Variants in MSI2 observed in about 807,000 individuals in gnomAD.
The protein encoded by MSI2 is RNA-binding protein Musashi homolog 2.
A neutral mutation model predicts 45.6 loss-of-function variants in MSI2; 17 were observed. The observed-to-expected ratio is 0.37, with a 90% CI of 0.26 to 0.56. MSI2 has a LOEUF of 0.56. Ranked by LOEUF, MSI2 falls within the 20% of genes least tolerant of loss-of-function variation. The pLI is 0.77. For missense variants in MSI2, 293 were observed against 444.2 expected (o/e 0.66, Z 3.06); for synonymous variants, 156 against 158.2 (o/e 0.99, Z 0.11).
chr17:57,349,489 G>A (rs1915853611), intron 5 of MSI2, among the ~76,000 whole-genome samples: 1 of 152,196 alleles, frequency 6.6e-6, no homozygotes, highest in African/African-American at 2.4e-5. Context: ...GATCCTGACA[G>A]TGATTAAAGA....
intron 5 of MSI2, among the ~76,000 whole-genome samples, chr17:57,395,929 G>T (rs766606996): frequency 6.6e-6 from 1 of 152,114 alleles, no homozygotes; most frequent in Non-Finnish European, 1.5e-5. Flanking sequence ...TTTTCCATCC[G>T]CACAATGGGG....
At position 57,568,550 on chromosome 17, in the gene MSI2, T is replaced by C. The variant is rs77561981; in HGVS notation, c.455-28318T>C. Among the ~76,000 whole-genome samples, 905 of 152,298 alleles carry C rather than the reference T, an allele frequency of 5.9e-3. 5 individuals are homozygous for C. The highest frequency in any genetic ancestry group is 0.021 in the African/African-American group (864 of 41,554). The stretch of plus-strand genomic sequence containing the variant: ...CAGGAGGTGGTGAGATCACTCTGAT[T>C]CTAGAACTTTCTTGCTGATTAATGG... On this transcript the variant is annotated intron_variant, in intron 7 of 13. Transcript: ENST00000284073.
Position 57,280,334 on chromosome 17 carries a change from G to A in MSI2, c.312+18142G>A, listed in dbSNP as rs1909308286. On this transcript the variant is annotated intron_variant, in intron 5 of 13. Transcript: ENST00000284073. This position sits in a 1 kb window ranked among gnomAD's most constrained non-coding sequence, Gnocchi z 4.2. ...AGTCTACACGAAAAGTGGCTTGTGG[G>A]TACCCCAGGGGGCTGTGGGGGAATC... Among the ~76,000 whole-genome samples the A allele has an allele frequency of 6.6e-6, 1 of 152,204 alleles. No individual in the cohort carries two copies. Among genetic ancestry groups the A allele is most frequent in the African/African-American group, 2.4e-5 (1 of 41,444 alleles).
At chr17:57,673,842 G>A (rs1258975881) in intron 11 of MSI2, among the ~76,000 whole-genome samples, 2 of 152,102 alleles carry the variant, frequency 1.3e-5, no homozygotes, top group East Asian at 3.9e-4. Context: ...TTCTCACTCT[G>A]GAGTTGACAT....
At chr17:57,521,217 G>A (rs1371730493) in intron 6 of MSI2, among the ~76,000 whole-genome samples, 1 of 152,166 alleles carries the variant, frequency 6.6e-6, no homozygotes, top group African/African-American at 2.4e-5. Flanking sequence ...AACCTGAGAT[G>A]GGCAGGAAGG....
intron 5 of MSI2, among the ~76,000 whole-genome samples, chr17:57,292,790 C>T (rs1305624335): frequency 1.3e-5 from 2 of 152,132 alleles, no homozygotes; most frequent in African/African-American, 4.8e-5. Flanking sequence ...GAGTTCACAG[C>T]CTTTCTGTGA....
intron 11 of MSI2, 199 bp from the exon 12 acceptor site, chr17:57,674,773 C>T (rs929446959): frequency 5.8e-6 from 4 of 692,676 alleles, no homozygotes; most frequent in Non-Finnish European, 9.4e-6. Flanking sequence ...GCTGAGTATT[C>T]TTGAGTCCCT....
At chr17:57,651,880 T>C (rs990963266) in intron 10 of MSI2, among the ~76,000 whole-genome samples, 3 of 152,144 alleles carry the variant, frequency 2.0e-5, no homozygotes, top group Admixed American at 1.3e-4. Context: ...GCTTCTGGGG[T>C]GACAAATGGG....
At chr17:57,257,729 G>C (rs1906930626) in intron 3 of MSI2, among the ~76,000 whole-genome samples, 182 bp downstream of exon 3, 1 of 151,560 alleles carries the variant, frequency 6.6e-6, no homozygotes, top group Admixed American at 6.6e-5. Context: ...TTGTTAATTG[G>C]AGCTGAACTC....
At chr17:57,608,063 G>A (rs1223410275) in intron 8 of MSI2, among the ~76,000 whole-genome samples, 1 of 152,194 alleles carries the variant, frequency 6.6e-6, no homozygotes, top group East Asian at 1.9e-4. Context: ...ACCTGAGTTT[G>A]CAAAGGAGCA....
chr17:57,293,534 A>T (rs774283956), intron 5 of MSI2, among the ~76,000 whole-genome samples: 1 of 150,374 alleles, frequency 6.7e-6, no homozygotes, highest in Non-Finnish European at 1.5e-5. Flanking sequence ...TCTGATCATA[A>T]TTTTTTCCTG....
At chr17:57,654,172 C>G (rs1274242148) in intron 11 of MSI2, among the ~76,000 whole-genome samples, 1 of 152,218 alleles carries the variant, frequency 6.6e-6, no homozygotes, top group Non-Finnish European at 1.5e-5. Flanking sequence ...AGCCTGGAAG[C>G]TACAGGGCAA....
chr17:57,584,490 C>T (rs1471622085), intron 7 of MSI2, among the ~76,000 whole-genome samples: 3 of 152,196 alleles, frequency 2.0e-5, no homozygotes, highest in East Asian at 1.9e-4. Flanking sequence ...GTGGGGGGCG[C>T]GGAGGGAGCA....
At chr17:57,667,070 A>G (rs1268854402) in intron 11 of MSI2, among the ~76,000 whole-genome samples, 1 of 152,174 alleles carries the variant, frequency 6.6e-6, no homozygotes, top group Non-Finnish European at 1.5e-5. Flanking sequence ...GGTATCACCC[A>G]ACAGGGGCCA....
intron 7 of MSI2, among the ~76,000 whole-genome samples, chr17:57,554,699 G>A (rs1598395876): frequency 6.6e-6 from 1 of 152,224 alleles, no homozygotes; most frequent in Admixed American, 6.5e-5. Flanking sequence ...GGCTGACCCT[G>A]TGTGGTGTAG....
intron 5 of MSI2, among the ~76,000 whole-genome samples, chr17:57,336,904 G>C (rs1478280873): frequency 6.6e-6 from 1 of 152,070 alleles, no homozygotes; most frequent in Non-Finnish European, 1.5e-5. Flanking sequence ...TTCCACTCAG[G>C]GTCTCTCATG....
Position 57,407,273 on chromosome 17 carries a change from C to G in MSI2, c.405+5802C>G, listed in dbSNP as rs558467398. Among the ~76,000 whole-genome samples the G allele has an allele frequency of 1.3e-5, 2 of 152,216 alleles. No homozygotes were observed. The highest frequency in any genetic ancestry group is 2.9e-5 in the Non-Finnish European group (2 of 67,988). On this transcript the variant is annotated intron_variant, in intron 6 of 13. Transcript: ENST00000284073. The surrounding 1 kb of genome is among the most constrained non-coding windows in gnomAD (Gnocchi z 4.1). ...GCTGGGTGCCTGCGATCTCCCAGCT[C>G]CGGGGTTTTCTGTGCAGGTGCGAAG... is the stretch of plus-strand genomic sequence containing the variant.
intron 6 of MSI2, among the ~76,000 whole-genome samples, chr17:57,515,455 TC>T (rs1464322714): frequency 6.6e-6 from 1 of 152,232 alleles, no homozygotes; most frequent in Non-Finnish European, 1.5e-5. Flanking sequence ...TCCATTTGCC[TC>T]GGCCTCCCAA....
chr17:57,337,470 C>T (rs141349152), intron 5 of MSI2, among the ~76,000 whole-genome samples: 58 of 152,244 alleles, frequency 3.8e-4, no homozygotes, highest in African/African-American at 1.3e-3. Context: ...GGCCTCTAGC[C>T]TTCACGGCTG....
Sources: allele counts gnomAD v4.1 joint callset (sites outside exome capture counted in the v4.1 genomes callset), GRCh38; gene constraint gnomAD v4.1.1; non-coding constraint Gnocchi (gnomAD v3.1); transcripts MANE v1.5; gene names NCBI Gene and HGNC (gene_info 2026-07-23, HGNC 2026-07-21).